Variants in ANKRD18B observed in about 807,000 individuals in gnomAD.
The protein encoded by ANKRD18B is ankyrin repeat domain-containing protein 18B.
A neutral mutation model predicts 111.8 loss-of-function variants in ANKRD18B; 75 were observed. The observed-to-expected ratio is 0.67, with a 90% CI of 0.56 to 0.81. The LOEUF (loss-of-function observed/expected upper bound fraction) is 0.81. ANKRD18B is among the 40% of genes least tolerant of loss of function. The probability of loss-of-function intolerance (pLI) is 0.00; values close to 1 mark genes in which losing one functional copy is unlikely to be tolerated. For synonymous variants in ANKRD18B, 356 were observed against 417.3 expected, an observed-to-expected ratio of 0.85 and a Z score of 1.79; for missense variants, 1,038 against 1,225.5, an observed-to-expected ratio of 0.85 and a Z score of 2.28.
intron 1 of ANKRD18B, among the ~76,000 whole-genome samples, chr9:33,527,064 G>A (rs1032742167): frequency 3.3e-5 from 5 of 152,114 alleles, no homozygotes; most frequent in Non-Finnish European, 5.9e-5. Flanking sequence ...GATTTAAAAT[G>A]GGAATAGTAG....
intron 3 of ANKRD18B, among the ~76,000 whole-genome samples, chr9:33,529,734 C>T (rs944133092): frequency 3.9e-5 from 6 of 152,072 alleles, no homozygotes; most frequent in Admixed American, 2.0e-4. Flanking sequence ...TGAGACAAAG[C>T]GCTCTTCAGC....
intron 5 of ANKRD18B, among the ~76,000 whole-genome samples, chr9:33,534,954 T>C (rs1364851756): frequency 1.3e-5 from 2 of 151,910 alleles, no homozygotes; most frequent in Non-Finnish European, 2.9e-5. Context: ...TAATTAGTTA[T>C]TGGGTCTCGA....
intron 14 of ANKRD18B, among the ~76,000 whole-genome samples, chr9:33,558,441 A>T (rs1268344481): frequency 6.6e-6 from 1 of 152,026 alleles, no homozygotes; most frequent in African/African-American, 2.4e-5. Context: ...AAGTGAGAGG[A>T]TGCAGTGTTT....
intron 1 of ANKRD18B, among the ~76,000 whole-genome samples, chr9:33,528,126 C>A (rs1828053412): frequency 6.6e-6 from 1 of 152,094 alleles, no homozygotes; most frequent in Non-Finnish European, 1.5e-5. Flanking sequence ...AGGTGACATT[C>A]CTACTCTACA....
At chr9:33,552,179 A>AT (rs1563905084) in intron 12 of ANKRD18B, among the ~76,000 whole-genome samples, 2 of 152,224 alleles carry the variant, frequency 1.3e-5, no homozygotes, top group Admixed American at 6.5e-5. Flanking sequence ...TTCTAAGTGT[A>AT]TTTTTAGCAA....
chr9:33,549,776 A>C (rs1828419857), intron 11 of ANKRD18B, among the ~76,000 whole-genome samples: 1 of 152,164 alleles, frequency 6.6e-6, no homozygotes, highest in African/African-American at 2.4e-5. Flanking sequence ...AAATGTGGTA[A>C]ATTTTAGCAA....
intron 12 of ANKRD18B, among the ~76,000 whole-genome samples, chr9:33,551,866 C>T (rs1227558423): frequency 1.3e-5 from 2 of 152,220 alleles, no homozygotes; most frequent in African/African-American, 4.8e-5. Flanking sequence ...TTCATTCAGA[C>T]CTGACAGGCA....
downstream of ANKRD18B, among the ~76,000 whole-genome samples, chr9:33,575,146 A>G (rs905511377): frequency 2.4e-4 from 37 of 152,312 alleles, no homozygotes; most frequent in Non-Finnish European, 4.9e-4. Context: ...CTGTGCTGAC[A>G]GTCATCTCAT....
At chr9:33,571,110 A>G (rs1485607223) in intron 17 of ANKRD18B, 136 bp from the exon 18 acceptor site, 1 of 200,062 alleles carries the variant, frequency 5.0e-6, no homozygotes, top group Admixed American at 6.1e-5. Flanking sequence ...TTATTTTTCT[A>G]TTTAAGCAAA....
Position 33,548,042 on chromosome 9 carries a change from C to G in ANKRD18B, c.1254C>G (p.Asp418Glu), listed in dbSNP as rs1421050023. The G allele has an allele frequency of 7.2e-6, 11 of 1,529,552 alleles. No homozygotes were observed. In the East Asian group the frequency reaches 9.8e-5, roughly 14 times the overall value. 94.7% of individuals were successfully genotyped at this position (1,529,552 alleles called of 1,614,324 possible). ...AGGAATTATATGCAATAAAAAATGACAGTCTCAGAAAGGAAAAGAAATATA... is the reference window on the plus strand; with the variant it reads ...AGGAATTATATGCAATAAAAAATGAGAGTCTCAGAAAGGAAAAGAAATATA... The part of the protein sequence containing the change: ...LKEELYAIKN[D>E]SLRKEKKYIQ... Residue 418 changes from aspartate to glutamate, a missense_variant, in exon 11 of 19, where the codon GAC (aspartate) becomes GAG (glutamate). Physicochemically the swap from Asp to Glu is conservative, Grantham distance 45. Around this residue, in one of 4 missense-constraint regions of ANKRD18B, gnomAD observed 205 missense variants for 201.3 expected, o/e 1.02. Transcript: ENST00000684830.
chr9:33,560,830 G>GTGCC (rs1005934491), intron 14 of ANKRD18B, among the ~76,000 whole-genome samples: 3 of 152,060 alleles, frequency 2.0e-5, no homozygotes, highest in Admixed American at 2.0e-4. Context: ...ATGGTGGTGT[G>GTGCC]TGCCTGTAAT....
intron 3 of ANKRD18B, among the ~76,000 whole-genome samples, chr9:33,530,538 A>C (rs1828097837): frequency 6.6e-6 from 1 of 151,008 alleles, no homozygotes; most frequent in African/African-American, 2.4e-5. Context: ...AAAAAAAAAA[A>C]AAAAAAAAAA....
intron 8 of ANKRD18B, 118 bp from the exon 9 acceptor site, chr9:33,541,029 G>A (rs1563901822): frequency 7.9e-7 from 1 of 1,272,920 alleles, no homozygotes; most frequent in East Asian, 2.5e-5. Context: ...ATGAGTGCAA[G>A]CTTCTAATGG....
chr9:33,535,026 C>T (rs1469989092), intron 5 of ANKRD18B, among the ~76,000 whole-genome samples: 3 of 151,960 alleles, frequency 2.0e-5, no homozygotes, highest in African/African-American at 7.3e-5. Flanking sequence ...TGCCTTCCTC[C>T]TTTGAATTTT....
At position 33,532,244 on chromosome 9, in the gene ANKRD18B, GA is replaced by G. The variant is rs558699115; in HGVS notation, c.496-1188del. 1.5e-3 allele frequency among the ~76,000 whole-genome samples: 234 copies of G among 151,694 alleles called. 1 individual carries two copies. The highest frequency in any genetic ancestry group is 5.4e-3 in the African/African-American group (224 of 41,362). Reference sequence around the variant, plus strand: ...GTGAGACCCCATTTCCAAAAAAAAAGAAAAAAAGTGCAAGTGACTTATTGGC... The same window carrying G: ...GTGAGACCCCATTTCCAAAAAAAAAGAAAAAAGTGCAAGTGACTTATTGGC... On this transcript the variant is annotated intron_variant, in intron 3 of 18. Transcript: ENST00000684830.
intron 12 of ANKRD18B, among the ~76,000 whole-genome samples, 169 bp downstream of exon 12, chr9:33,550,748 T>C (rs1056113604): frequency 6.6e-6 from 1 of 152,234 alleles, no homozygotes; most frequent in Admixed American, 6.5e-5. Flanking sequence ...ACTCTGGCTC[T>C]TGTTCTGCCA....
In ANKRD18B at chr9:33,548,167, A is replaced by G. The variant is rs1162539181; in HGVS notation, c.1379A>G (p.Gln460Arg). 1.9e-6 allele frequency: 3 copies of G among 1,543,748 alleles called. No homozygotes were observed. In the East Asian group the frequency reaches 7.3e-5, roughly 38 times the overall value. The change falls in exon 11 of 19, where the codon CAA (glutamine) becomes CGA (arginine). Residue 460 changes from glutamine (Q) to arginine (R), a missense_variant. By Grantham distance (43) the Gln-to-Arg change is conservative. This residue lies in a region of ANKRD18B where 205 missense variants were observed against 201.3 expected (regional missense o/e 1.02). Transcript: ENST00000684830. ...MITKKVAQYS[Q>R]QLNDLKAENA... ...ACAAAAAAAGTGGCCCAGTATTCGC[A>G]ACAGCTTAATGATCTGAAAGCTGAG...
chr9:33,547,737 A>T (rs1454783764), intron 10 of ANKRD18B, among the ~76,000 whole-genome samples: 1 of 148,278 alleles, frequency 6.7e-6, no homozygotes, highest in Non-Finnish European at 1.5e-5. Flanking sequence ...TTATGGATTC[A>T]TTGACTTCAA....
intron 10 of ANKRD18B, among the ~76,000 whole-genome samples, chr9:33,545,596 C>G (rs888836321): frequency 2.0e-5 from 3 of 152,190 alleles, no homozygotes. Context: ...CCACATATGA[C>G]AGTCCCACTG....
Sources: allele counts gnomAD v4.1 joint callset (sites outside exome capture counted in the v4.1 genomes callset), GRCh38; gene constraint gnomAD v4.1.1; regional missense constraint gnomAD v4.1.1; transcripts MANE v1.5; gene names NCBI Gene and HGNC (gene_info 2026-07-23, HGNC 2026-07-21).